The following PTPRG variants were observed in gnomAD, a reference collection of about 807,000 sequenced individuals.
The protein encoded by PTPRG is protein tyrosine phosphatase receptor type G.
A neutral mutation model predicts 165.3 loss-of-function variants in PTPRG; 102 were observed. That is an observed-to-expected ratio of 0.62 (90% CI 0.53 to 0.73). The LOEUF is 0.73. Among genes scored for constraint, PTPRG ranks in the 30% least tolerant of loss-of-function variants. The pLI is 0.00. For synonymous variants in PTPRG, 675 were observed against 669.5 expected (o/e 1.01, Z -0.13); for missense variants, 1,866 against 1,861.4 (o/e 1.00, Z -0.05).
At chr3:61,624,937 G>T (rs74360544) in intron 1 of PTPRG, among the ~76,000 whole-genome samples, 1 of 152,086 alleles carries the variant, frequency 6.6e-6, no homozygotes, top group Non-Finnish European at 1.5e-5. Flanking sequence ...TGAGGTCAAG[G>T]TGTCAGCAGG....
At chr3:61,918,642 C>A (rs35452054) in intron 2 of PTPRG, among the ~76,000 whole-genome samples, 3,116 of 152,180 alleles carry the variant, frequency 0.02, 62 homozygotes, top group South Asian at 0.093. Context: ...AATCACATGG[C>A]CAAGAAAGGT....
intron 8 of PTPRG, among the ~76,000 whole-genome samples, chr3:62,173,436 C>G (rs1356153256): frequency 6.6e-6 from 1 of 152,088 alleles, no homozygotes; most frequent in Admixed American, 6.6e-5. Context: ...AGATGGCAGA[C>G]CAGAGTTGGC....
chr3:62,186,122 C>T (rs547129505), intron 8 of PTPRG, among the ~76,000 whole-genome samples: 24 of 152,288 alleles, frequency 1.6e-4, no homozygotes, highest in Non-Finnish European at 3.2e-4. Flanking sequence ...CTGGTACTAT[C>T]GTTGCCCCAG....
chr3:61,865,902 C>A (rs140707161), intron 2 of PTPRG, among the ~76,000 whole-genome samples: 5 of 152,324 alleles, frequency 3.3e-5, no homozygotes, highest in African/African-American at 1.2e-4. Context: ...TCAAAAGGCA[C>A]TGACATCTAA....
intron 5 of PTPRG, among the ~76,000 whole-genome samples, chr3:62,082,246 A>G (rs1447569940): frequency 6.6e-6 from 1 of 152,172 alleles, no homozygotes; most frequent in Non-Finnish European, 1.5e-5. Flanking sequence ...TTTGTTCTCA[A>G]CATGTGCCCA....
intron 8 of PTPRG, among the ~76,000 whole-genome samples, chr3:62,170,101 A>T (rs1195547968): frequency 1.3e-5 from 2 of 152,124 alleles, no homozygotes; most frequent in African/African-American, 4.8e-5. Context: ...GAAATGCTTG[A>T]GATTCAAGTA....
In PTPRG at chr3:62,187,557, T is replaced by C. The variant is rs531911907; in HGVS notation, c.1034-3912T>C. 1.3e-4 allele frequency among the ~76,000 whole-genome samples: 20 copies of C among 152,362 alleles called. No individual in the cohort carries two copies. The South Asian group carries it at 3.9e-3, about 30-fold the overall frequency. Reference sequence around the variant, plus strand: ...CACACTCATTCATGTTTACATACTATCTGTGCTGCTTTGTGCTTCAAAGGT... The same window carrying C: ...CACACTCATTCATGTTTACATACTACCTGTGCTGCTTTGTGCTTCAAAGGT... On this transcript the variant is annotated intron_variant, in intron 8 of 29. Coordinates refer to ENST00000474889, the MANE Select transcript of PTPRG (RefSeq NM_002841.4).
chr3:61,686,520 G>C (rs1703637494), intron 1 of PTPRG, among the ~76,000 whole-genome samples: 1 of 152,110 alleles, frequency 6.6e-6, no homozygotes, highest in Admixed American at 6.5e-5. Flanking sequence ...CTATACCCTT[G>C]GATCAGGAAA....
chr3:61,668,948 T>C (rs759366216), intron 1 of PTPRG, among the ~76,000 whole-genome samples: 3 of 152,226 alleles, frequency 2.0e-5, no homozygotes, highest in Non-Finnish European at 4.4e-5. Flanking sequence ...ACTTAGTATT[T>C]GCTAAATCAG....
At chr3:62,111,741 C>T (rs554102368) in intron 5 of PTPRG, among the ~76,000 whole-genome samples, 6 of 152,100 alleles carry the variant, frequency 3.9e-5, no homozygotes, top group South Asian at 4.2e-4. Flanking sequence ...GAGCCACCAC[C>T]GGGCCCATTT....
At chr3:61,903,650 T>C (rs2038560330) in intron 2 of PTPRG, among the ~76,000 whole-genome samples, 1 of 152,136 alleles carries the variant, frequency 6.6e-6, no homozygotes, top group Non-Finnish European at 1.5e-5. Flanking sequence ...CTGGGGTTAA[T>C]TGCGTGAGCC....
intron 1 of PTPRG, among the ~76,000 whole-genome samples, chr3:61,664,432 T>G (rs1291951592): frequency 1.3e-5 from 2 of 152,214 alleles, no homozygotes; most frequent in African/African-American, 2.4e-5. Context: ...GTCACTAAGA[T>G]TGTTGCAGTA....
chr3:61,609,675 G>A (rs542614028), intron 1 of PTPRG, among the ~76,000 whole-genome samples: 5 of 151,832 alleles, frequency 3.3e-5, no homozygotes, highest in East Asian at 1.9e-4. Context: ...TGGGCAATAC[G>A]GCAAAACCGC....
At chr3:61,564,977 A>C (rs1699872311) in intron 1 of PTPRG, among the ~76,000 whole-genome samples, 1 of 152,214 alleles carries the variant, frequency 6.6e-6, no homozygotes, top group African/African-American at 2.4e-5. Flanking sequence ...TCTGTTTGAC[A>C]TGAGGGATAA....
intron 13 of PTPRG, among the ~76,000 whole-genome samples, chr3:62,227,899 A>ACTG (rs1226228766): frequency 6.6e-6 from 1 of 152,202 alleles, no homozygotes; most frequent in Non-Finnish European, 1.5e-5. Flanking sequence ...GAAAAACCCC[A>ACTG]GTTATCTGGC....
rs576184785 is a variant in PTPRG, at chr3:62,215,989, G to C, written c.2156-2862G>C. 1.7e-4 allele frequency among the ~76,000 whole-genome samples: 26 copies of C among 152,246 alleles called. 1 individual carries two copies. The South Asian group carries it at 5.2e-3, about 30-fold the overall frequency. The stretch of plus-strand genomic sequence containing the variant: ...TCCCAGCACTTTGGGAGGCCGAGGC[G>C]GGAGGATCACTTGAGGTCAGGAGTT... On this transcript the variant is annotated intron_variant, in intron 12 of 29. Coordinates refer to ENST00000474889, the MANE Select transcript of PTPRG (RefSeq NM_002841.4).
chr3:62,049,620 A>C (rs1414507218), intron 4 of PTPRG, among the ~76,000 whole-genome samples: 1 of 152,166 alleles, frequency 6.6e-6, no homozygotes, highest in Non-Finnish European at 1.5e-5. Flanking sequence ...GCTGGGTGGT[A>C]ATTTGTTTTT....
intron 2 of PTPRG, among the ~76,000 whole-genome samples, chr3:61,821,606 A>G (rs891369161): frequency 5.9e-5 from 9 of 152,332 alleles, no homozygotes; most frequent in African/African-American, 2.2e-4. Context: ...TGTGACTTAT[A>G]AAGCTAATAA....
At chr3:62,052,042 C>T (rs889977110) in intron 4 of PTPRG, among the ~76,000 whole-genome samples, 1 of 152,152 alleles carries the variant, frequency 6.6e-6, no homozygotes, top group Non-Finnish European at 1.5e-5. Context: ...AGGATCTAAT[C>T]AGATCTGACA....
Sources: gnomAD v4.1 joint callset for allele counts (sites outside exome capture counted in the v4.1 genomes callset) on GRCh38, gnomAD v4.1.1 for gene constraint, MANE v1.5 for transcripts, NCBI Gene and HGNC (gene_info 2026-07-23, HGNC 2026-07-21) for gene names.